Variants in MCMBP observed in about 807,000 individuals in gnomAD.
MCMBP encodes mini-chromosome maintenance complex-binding protein.
MCMBP carries 31 observed loss-of-function variants against 81.3 expected under a neutral mutation model. That is an observed-to-expected ratio of 0.38 (90% confidence interval 0.29 to 0.51). The LOEUF (loss-of-function observed/expected upper bound fraction) is 0.51, where lower values mean the gene tolerates loss of function less well. MCMBP is among the 20% of genes least tolerant of loss of function. The probability of loss-of-function intolerance (pLI) is 0.87; values close to 1 mark genes in which losing one functional copy is unlikely to be tolerated. For synonymous variants in MCMBP, 267 were observed against 275.9 expected, an observed-to-expected ratio of 0.97 and a Z score of 0.32; for missense variants, 645 against 772.1, an observed-to-expected ratio of 0.84 and a Z score of 1.95.
intron 1 of MCMBP, among the ~76,000 whole-genome samples, chr10:119,860,561 A>G (rs926930927): frequency 6.6e-6 from 1 of 152,186 alleles, no homozygotes; most frequent in African/African-American, 2.4e-5. Context: ...CCTATTTATC[A>G]TATGACCCAA....
At chr10:119,872,241 C>T (rs1853706702) in intron 1 of MCMBP, among the ~76,000 whole-genome samples, 1 of 151,730 alleles carries the variant, frequency 6.6e-6, no homozygotes. Flanking sequence ...GCGAGGCCGT[C>T]AATCACAGCC....
At chr10:119,838,221 TAATA>T (rs1479481855) in intron 12 of MCMBP, among the ~76,000 whole-genome samples, 1 of 148,374 alleles carries the variant, frequency 6.7e-6, no homozygotes, top group Non-Finnish European at 1.5e-5. Context: ...CTCCATTATA[TAATA>T]TATAAAATAT....
intron 8 of MCMBP, among the ~76,000 whole-genome samples, chr10:119,844,815 G>A (rs573687905): frequency 1.4e-4 from 22 of 152,270 alleles, no homozygotes; most frequent in African/African-American, 4.6e-4. Context: ...GATGCTTCCT[G>A]CCCTCAAACA....
At position 119,843,245 on chromosome 10, in the gene MCMBP, T is replaced by TA. The variant is rs1564874750; in HGVS notation, c.1000+8dup. Reference sequence around the variant, plus strand: ...CGATAGTTGACTAGGCTGTAACACTTACACTTACAGGTTTTGCTCTCCTCT... The same window carrying TA: ...CGATAGTTGACTAGGCTGTAACACTTAACACTTACAGGTTTTGCTCTCCTCT... On this transcript the variant is annotated intron_variant, in intron 9 of 15. Transcript: ENST00000369077. 1.2e-6 allele frequency: 2 copies of TA among 1,613,180 alleles called. No individual in the cohort carries two copies. The highest frequency in any genetic ancestry group is 1.7e-6 in the Non-Finnish European group (2 of 1,179,388).
At chr10:119,862,920 CAG>C (rs2134398473) in intron 1 of MCMBP, among the ~76,000 whole-genome samples, 1 of 152,176 alleles carries the variant, frequency 6.6e-6, no homozygotes, top group East Asian at 1.9e-4. Context: ...GAACTCTTCT[CAG>C]GGGGATATTT....
At chr10:119,839,588 ATGTGGTCCCGAGAACCC>A (rs1257138143) in intron 11 of MCMBP, among the ~76,000 whole-genome samples, 1 of 152,182 alleles carries the variant, frequency 6.6e-6, no homozygotes, top group Non-Finnish European at 1.5e-5. Flanking sequence ...AATTCTCAAA[ATGTGGTCCCGAGAACCC>A]CCAGGGAATT....
chr10:119,848,240 G>A (rs1807805347), intron 7 of MCMBP, among the ~76,000 whole-genome samples: 1 of 151,760 alleles, frequency 6.6e-6, no homozygotes, highest in African/African-American at 2.4e-5. Context: ...TTACTGATTA[G>A]ACCTGGTAGA....
rs71019726 is a variant in MCMBP, at chr10:119,842,767, C to CTT, written c.1001-174_1001-173dup. 4.7e-3 allele frequency: 2,265 copies of CTT among 485,942 alleles called. 1 individual carries two copies. Among genetic ancestry groups the CTT allele is most frequent in the South Asian group, 0.016 (617 of 37,400 alleles). The allele number at this position is 485,942 out of a possible 1,614,324, so 30.1% of individuals were successfully genotyped here. A position where few individuals can be genotyped will look rare whatever the true frequency, so the allele number is the denominator to read the frequency against. ...TAAAAATAAGGCAGTTTGCATCCTC[C>CTT]TTTTTTTTTTTTTTGAGACCAAGTT... is the stretch of plus-strand genomic sequence containing the variant. On this transcript the variant is annotated intron_variant, in intron 9 of 15. Coordinates refer to ENST00000369077, the MANE Select transcript of MCMBP (RefSeq NM_001256378.2).
chr10:119,873,024 A>G (rs1049299112), upstream of MCMBP, among the ~76,000 whole-genome samples: 1 of 151,650 alleles, frequency 6.6e-6, no homozygotes, highest in Non-Finnish European at 1.5e-5. Flanking sequence ...GAGGCTGCGC[A>G]GCGCGGGGCC....
At chr10:119,868,709 TC>T (rs971002569) in intron 1 of MCMBP, among the ~76,000 whole-genome samples, 12 of 152,180 alleles carry the variant, frequency 7.9e-5, no homozygotes, top group Non-Finnish European at 1.5e-5. Context: ...TATAATAGGA[TC>T]CTGCAGTAAC....
intron 6 of MCMBP, among the ~76,000 whole-genome samples, chr10:119,850,450 A>G: frequency 6.6e-6 from 1 of 152,142 alleles, no homozygotes; most frequent in East Asian, 1.9e-4. Flanking sequence ...TACCTATGCG[A>G]TAAAACTGCA....
chr10:119,870,308 G>C (rs1350380986), intron 1 of MCMBP, among the ~76,000 whole-genome samples: 1 of 152,128 alleles, frequency 6.6e-6, no homozygotes, highest in Non-Finnish European at 1.5e-5. Context: ...TTAGCCGGGC[G>C]TGGTGGCGCG....
chr10:119,838,777 T>C (rs1852338218), intron 11 of MCMBP, 77 bp from the exon 12 acceptor site: 3 of 1,298,146 alleles, frequency 2.3e-6, no homozygotes, highest in East Asian at 4.8e-5. Flanking sequence ...GAATTAAACA[T>C]TGTGTTTCAT....
chr10:119,845,028 C>T (rs1852568874), intron 8 of MCMBP, among the ~76,000 whole-genome samples: 1 of 152,170 alleles, frequency 6.6e-6, no homozygotes, highest in South Asian at 2.1e-4. Context: ...TCCTAATAAA[C>T]TCCCCTTCAT....
In MCMBP at chr10:119,872,661, A is replaced by G. The variant is rs1162515251; in HGVS notation, c.-77T>C. 6 of 792,524 alleles carry G rather than the reference A, an allele frequency of 7.6e-6. No homozygotes were observed. The African/African-American group carries it at 1.1e-4, about 15-fold the overall frequency. The allele number at this position is 792,524 out of a possible 1,614,324, so 49.1% of individuals were successfully genotyped here. On this transcript the variant is annotated 5_prime_UTR_variant, in exon 1 of 16. Transcript: ENST00000369077. ...GAGCGCGGCCGGGCGGCCGGCGCCC[A>G]GCTCCTCTTCAGCGGCTCGGCCGCT...
chr10:119,850,098 T>G (rs1028506526), intron 6 of MCMBP, among the ~76,000 whole-genome samples: 1 of 152,210 alleles, frequency 6.6e-6, no homozygotes, highest in Non-Finnish European at 1.5e-5. Context: ...GTAGTTACAC[T>G]TTAGGGCTGA....
intron 10 of MCMBP, among the ~76,000 whole-genome samples, chr10:119,841,843 T>C (rs1820989027): frequency 3.3e-5 from 5 of 152,232 alleles, no homozygotes; most frequent in Admixed American, 2.6e-4. Flanking sequence ...CGCCTTGGGA[T>C]GTATAAACAG....
rs560403541 is a variant in MCMBP, at chr10:119,835,671, T to C, written c.1576A>G (p.Ile526Val). 3 of 1,614,242 alleles carry C rather than the reference T, an allele frequency of 1.9e-6. No individual in the cohort carries two copies. The highest frequency in any genetic ancestry group is 2.5e-6 in the Non-Finnish European group (3 of 1,180,036). Residue 526 changes from isoleucine (I) to valine (V), a missense_variant, in exon 14 of 16, where the codon ATT becomes GTT. Physicochemically the swap from Ile to Val is conservative, Grantham distance 29 (BLOSUM62 3). Coordinates refer to ENST00000369077, the MANE Select transcript of MCMBP (RefSeq NM_001256378.2). ...ATGTACTCCTCCATGTTTGGTGGAA[T>C]TAGCTGGGGCTGTAAGTGAATCTGG... ...DCQIHLQPQLIPPNMEEYMNS... is the reference protein window; with the variant it reads ...DCQIHLQPQLVPPNMEEYMNS...
At position 119,830,225 on chromosome 10, in the gene MCMBP, TAAGGGATCCTTTATCTGCCTCC is replaced by T. The variant is rs1242913453; in HGVS notation, c.*1227_*1248del. The T allele has an allele frequency of 5.2e-5, 8 of 152,710 alleles. No homozygotes were observed. In the South Asian group the frequency reaches 8.3e-4, roughly 16 times the overall value. 9.5% of individuals were successfully genotyped at this position (152,710 alleles called of 1,614,324 possible). A position where few individuals can be genotyped will look rare whatever the true frequency, so the allele number is the denominator to read the frequency against. Reference sequence around the variant, plus strand: ...AATTTAGGCCTTATAGGAAAAAACGTAAGGGATCCTTTATCTGCCTCCAACTAGGTAAGTTATTTGATACCAC... The same window carrying T: ...AATTTAGGCCTTATAGGAAAAAACGTAACTAGGTAAGTTATTTGATACCAC... On this transcript the variant is annotated 3_prime_UTR_variant, in exon 16 of 16. Coordinates refer to ENST00000369077, the MANE Select transcript of MCMBP (RefSeq NM_001256378.2).
Sources: gnomAD v4.1 joint callset for allele counts (sites outside exome capture counted in the v4.1 genomes callset) on GRCh38, gnomAD v4.1.1 for gene constraint, MANE v1.5 for transcripts, NCBI Gene and HGNC (gene_info 2026-07-23, HGNC 2026-07-21) for gene names.